The following DOCK1 variants were observed in gnomAD, a reference collection of about 807,000 sequenced individuals.
The protein encoded by DOCK1 is dedicator of cytokinesis protein 1.
In DOCK1, 138 loss-of-function variants were observed where a neutral mutation model predicts 262.7. The observed-to-expected ratio is 0.53, with a 90% confidence interval of 0.46 to 0.61. The LOEUF (loss-of-function observed/expected upper bound fraction) is 0.61, where lower values mean the gene tolerates loss of function less well. Ranked by LOEUF, DOCK1 falls within the 20% of genes least tolerant of loss-of-function variation. The probability of loss-of-function intolerance (pLI) is 0.00; values close to 1 mark genes in which losing one functional copy is unlikely to be tolerated. For missense variants in DOCK1, 1,908 were observed against 2,370.7 expected (o/e 0.80, Z 4.05); for synonymous variants, 866 against 867.4 (o/e 1.00, Z 0.03).
At chr10:127,299,635 C>G (rs2061616931) in intron 29 of DOCK1, among the ~76,000 whole-genome samples, 1 of 152,198 alleles carries the variant, frequency 6.6e-6, no homozygotes, top group South Asian at 2.1e-4. Context: ...CTTCTGGCCT[C>G]TTGAACTGCA....
chr10:127,185,237 T>C (rs1284276380), intron 27 of DOCK1, among the ~76,000 whole-genome samples: 1 of 152,110 alleles, frequency 6.6e-6, no homozygotes, highest in Non-Finnish European at 1.5e-5. Context: ...GGTTTAAGAA[T>C]CTTAACACTG....
At chr10:127,008,408 C>G (rs6482765) in intron 10 of DOCK1, among the ~76,000 whole-genome samples, 36,846 of 152,122 alleles carry the variant, frequency 0.24, 4,453 homozygotes, top group Middle Eastern at 0.28. Flanking sequence ...TATGCTTTCA[C>G]ATTTTCGTTG....
intron 27 of DOCK1, among the ~76,000 whole-genome samples, chr10:127,187,976 C>A (rs1054369054): frequency 6.6e-6 from 1 of 152,158 alleles, no homozygotes; most frequent in Non-Finnish European, 1.5e-5. Flanking sequence ...TCTTCTATTT[C>A]CTGCTGTATC....
chr10:126,916,174 C>T (rs1356590961), intron 1 of DOCK1, among the ~76,000 whole-genome samples: 2 of 152,182 alleles, frequency 1.3e-5, no homozygotes, highest in Non-Finnish European at 2.9e-5. Flanking sequence ...GGAGTTAGGG[C>T]ATATCCTAGC....
intron 44 of DOCK1, among the ~76,000 whole-genome samples, chr10:127,416,869 G>C (rs1175844062): frequency 6.6e-6 from 1 of 152,036 alleles, no homozygotes; most frequent in Non-Finnish European, 1.5e-5. Flanking sequence ...TATGCCTGCT[G>C]TCCAGGACAC....
intron 29 of DOCK1, among the ~76,000 whole-genome samples, chr10:127,329,428 G>A: frequency 6.6e-6 from 1 of 151,848 alleles, no homozygotes; most frequent in Non-Finnish European, 1.5e-5. Context: ...GCTAGGGCAG[G>A]GTCTCTGGGG....
intron 27 of DOCK1, among the ~76,000 whole-genome samples, chr10:127,141,679 A>AC (rs1564835549): frequency 5.4e-5 from 8 of 149,532 alleles, no homozygotes; most frequent in African/African-American, 1.5e-4. Flanking sequence ...TTTAAAACAA[A>AC]AAAAAAAAAA....
chr10:126,988,833 G>A (rs1443362473), intron 5 of DOCK1, among the ~76,000 whole-genome samples: 1 of 152,166 alleles, frequency 6.6e-6, no homozygotes, highest in African/African-American at 2.4e-5. Flanking sequence ...AGCACTTAGG[G>A]AGGCCGAGGC....
At chr10:127,279,621 T>C (rs1286826806) in intron 29 of DOCK1, among the ~76,000 whole-genome samples, 1 of 152,184 alleles carries the variant, frequency 6.6e-6, no homozygotes, top group African/African-American at 2.4e-5. Flanking sequence ...AAGAAACATG[T>C]TACTGTTCTC....
chr10:127,420,227 T>A (rs1363736289), intron 46 of DOCK1, among the ~76,000 whole-genome samples: 1 of 152,210 alleles, frequency 6.6e-6, no homozygotes, highest in Non-Finnish European at 1.5e-5. Flanking sequence ...CAGCTGAAGT[T>A]GTGCAAGTTA....
At chr10:127,323,603 C>T (rs1186979840) in intron 29 of DOCK1, among the ~76,000 whole-genome samples, 1 of 152,182 alleles carries the variant, frequency 6.6e-6, no homozygotes, top group Non-Finnish European at 1.5e-5. Context: ...CTTCCCCAGA[C>T]CACATGGCCA....
chr10:126,956,808 A>T (rs2036778218), intron 1 of DOCK1, among the ~76,000 whole-genome samples: 1 of 152,254 alleles, frequency 6.6e-6, no homozygotes, highest in Admixed American at 6.5e-5. Context: ...TCTTGATTCC[A>T]GAGGCTGAGT....
intron 27 of DOCK1, among the ~76,000 whole-genome samples, chr10:127,200,923 A>T (rs2134229669): frequency 6.6e-6 from 1 of 152,262 alleles, no homozygotes; most frequent in South Asian, 2.1e-4. Context: ...TGTGGTTCGG[A>T]TGCCTCTGAC....
chr10:127,155,046 T>C (rs2052903665), intron 27 of DOCK1, among the ~76,000 whole-genome samples: 1 of 152,328 alleles, frequency 6.6e-6, no homozygotes, highest in Admixed American at 6.5e-5. Flanking sequence ...ATGTTAAATT[T>C]GTGGCAGGAG....
intron 29 of DOCK1, among the ~76,000 whole-genome samples, chr10:127,310,283 C>T (rs1457838932): frequency 1.3e-5 from 2 of 150,484 alleles, no homozygotes; most frequent in South Asian, 2.2e-4. Flanking sequence ...ACCCCCACCC[C>T]TACAGCCTTC....
At chr10:126,936,094 C>T (rs2034541507) in intron 1 of DOCK1, among the ~76,000 whole-genome samples, 1 of 152,212 alleles carries the variant, frequency 6.6e-6, no homozygotes, top group South Asian at 2.1e-4. Context: ...GATCTTCCCA[C>T]CTCAGCCTCC....
chr10:127,361,459 G>A (rs12763203), intron 32 of DOCK1, among the ~76,000 whole-genome samples: 41,279 of 152,004 alleles, frequency 0.27, 5,883 homozygotes, highest in South Asian at 0.36. Context: ...ACAATAGCTC[G>A]AAAAGGTAGA....
At chr10:127,042,938 C>A in intron 20 of DOCK1, 126 bp from the exon 21 acceptor site, 2 of 843,966 alleles carry the variant, frequency 2.4e-6, no homozygotes, top group South Asian at 1.8e-5. Context: ...GGTAAACTAG[C>A]CACCAACTTC....
intron 29 of DOCK1, among the ~76,000 whole-genome samples, chr10:127,293,547 G>A (rs1177284723): frequency 1.3e-5 from 2 of 152,192 alleles, no homozygotes; most frequent in Non-Finnish European, 2.9e-5. Context: ...CATTGAGGTG[G>A]ATGGAGGTCC....
Sources: allele counts gnomAD v4.1 joint callset (sites outside exome capture counted in the v4.1 genomes callset), GRCh38; gene constraint gnomAD v4.1.1; transcripts MANE v1.5; gene names NCBI Gene and HGNC (gene_info 2026-07-23, HGNC 2026-07-21).